Variants in WDR33 observed in about 807,000 individuals in gnomAD.
WDR33 encodes pre-mRNA 3' end processing protein WDR33.
WDR33 carries 47 observed loss-of-function variants against 164.9 expected under a neutral mutation model. The observed-to-expected ratio is 0.29, with a 90% confidence interval of 0.23 to 0.36. The LOEUF (loss-of-function observed/expected upper bound fraction) is 0.36, where lower values mean the gene tolerates loss of function less well. Ranked by LOEUF, WDR33 falls within the 10% of genes least tolerant of loss-of-function variation. The pLI is 1.00. For synonymous variants in WDR33, 505 were observed against 589.0 expected (o/e 0.86, Z 2.06); for missense variants, 1,137 against 1,754.1 (o/e 0.65, Z 6.28).
chr2:127,774,701 G>A (rs1688129476), intron 1 of WDR33, among the ~76,000 whole-genome samples: 1 of 152,226 alleles, frequency 6.6e-6, no homozygotes, highest in South Asian at 2.1e-4. Flanking sequence ...GTGGTGGCGG[G>A]CGCCTGTAGT....
Position 127,704,296 on chromosome 2 carries a change from T to G in WDR33, c.*2027A>C, listed in dbSNP as rs1372694482. ...CACTCTCAAAATGTGATCTGTCAAGTCCAGTAGAGCTTCAAGGTAAAATGA... is the reference window on the plus strand; with the variant it reads ...CACTCTCAAAATGTGATCTGTCAAGGCCAGTAGAGCTTCAAGGTAAAATGA... On this transcript the variant is annotated 3_prime_UTR_variant, in exon 22 of 22. Transcript: ENST00000322313. 1 of 166,874 alleles carries G rather than the reference T, an allele frequency of 6.0e-6. No individual in the cohort carries two copies. The highest frequency in any genetic ancestry group is 1.5e-5 in the Non-Finnish European group (1 of 68,068). The allele number at this position is 166,874 out of a possible 1,614,324, so 10.3% of individuals were successfully genotyped here.
Position 127,709,013 on chromosome 2 carries a change from C to T in WDR33, c.3566-121G>A. On this transcript the variant is annotated intron_variant, in intron 20 of 21. Coordinates refer to ENST00000322313, the MANE Select transcript of WDR33 (RefSeq NM_018383.5). This position sits in a 1 kb window ranked among gnomAD's most constrained non-coding sequence, Gnocchi z 5.0. The stretch of plus-strand genomic sequence containing the variant: ...CCGTTCACTCATGCTGAATGCCCGC[C>T]AGAGGCCAAAGGGTAAGCCACCCAG... The T allele has an allele frequency of 1.8e-6, 2 of 1,123,026 alleles. No individual in the cohort carries two copies. The highest frequency in any genetic ancestry group is 2.4e-6 in the Non-Finnish European group (2 of 833,310). 69.6% of individuals were successfully genotyped at this position (1,123,026 alleles called of 1,614,324 possible).
At position 127,764,447 on chromosome 2, in the gene WDR33, G is replaced by A. The variant is rs1687762655; in HGVS notation, c.626+381C>T. On this transcript the variant is annotated intron_variant, in intron 6 of 21. Coordinates refer to ENST00000322313, the MANE Select transcript of WDR33 (RefSeq NM_018383.5). The surrounding 1 kb of genome is among the most constrained non-coding windows in gnomAD (Gnocchi z 6.2). The stretch of plus-strand genomic sequence containing the variant: ...TGAATTCTGAAGTTGTTTTCTGTAG[G>A]CTTTAGATTTTATTCAGTTGCATAA... 6.9e-7 allele frequency: 1 copy of A among 1,452,830 alleles called. No homozygotes were observed. The highest frequency in any genetic ancestry group is 1.6e-5 in the South Asian group (1 of 63,724). 90.0% of individuals were successfully genotyped at this position (1,452,830 alleles called of 1,614,324 possible). A position where few individuals can be genotyped will look rare whatever the true frequency, so the allele number is the denominator to read the frequency against.
intron 1 of WDR33, among the ~76,000 whole-genome samples, chr2:127,800,240 A>G (rs1689187683): frequency 6.6e-6 from 1 of 152,230 alleles, no homozygotes; most frequent in Non-Finnish European, 1.5e-5. Flanking sequence ...ATAATCAAAA[A>G]GTGAAAACAA....
intron 1 of WDR33, chr2:127,799,073 T>G (rs1367816557): frequency 6.6e-6 from 1 of 152,176 alleles, no homozygotes; most frequent in African/African-American, 2.4e-5. Context: ...AAACTCATAT[T>G]CACATTTATA....
chr2:127,757,921 GCACA>G (rs1012062000), intron 7 of WDR33, among the ~76,000 whole-genome samples: 1 of 152,048 alleles, frequency 6.6e-6, no homozygotes, highest in Non-Finnish European at 1.5e-5. Context: ...TCATGAAGGG[GCACA>G]CAGAGACTTA....
rs904410078 is a variant in WDR33 at position 127,764,307 on chromosome 2, G to A, written c.626+521C>T. On this transcript the variant is annotated intron_variant, in intron 6 of 21. Coordinates refer to ENST00000322313, the MANE Select transcript of WDR33 (RefSeq NM_018383.5). The surrounding 1 kb of genome is among the most constrained non-coding windows in gnomAD (Gnocchi z 6.2). ...GCTTGAAGAACCCATTCATTACTCCGTTAATGTTTGCCACATCCAGTTATC... is the reference window on the plus strand; with the variant it reads ...GCTTGAAGAACCCATTCATTACTCCATTAATGTTTGCCACATCCAGTTATC... 34 of 1,324,282 alleles carry A rather than the reference G, an allele frequency of 2.6e-5. No homozygotes were observed. Among genetic ancestry groups the A allele is most frequent in the Admixed American group, 2.2e-4 (6 of 26,918 alleles). 82.0% of individuals were successfully genotyped at this position (1,324,282 alleles called of 1,614,324 possible). A position where few individuals can be genotyped will look rare whatever the true frequency, so the allele number is the denominator to read the frequency against.
chr2:127,747,849 G>A (rs1442828506), intron 7 of WDR33, among the ~76,000 whole-genome samples: 5 of 152,152 alleles, frequency 3.3e-5, no homozygotes. Flanking sequence ...TGACCTCTGA[G>A]AACTAATCTG....
At chr2:127,804,344 G>A (rs1689360698) in intron 1 of WDR33, among the ~76,000 whole-genome samples, 1 of 152,114 alleles carries the variant, frequency 6.6e-6, no homozygotes, top group African/African-American at 2.4e-5. Context: ...GAAATATCTA[G>A]ATTGGATACT....
chr2:127,730,650 C>CACAT (rs200840703), intron 7 of WDR33, among the ~76,000 whole-genome samples: 3,243 of 149,004 alleles, frequency 0.022, 125 homozygotes, highest in African/African-American at 0.078. Flanking sequence ...AAGCAAAACA[C>CACAT]ACAAACTATA....
chr2:127,750,703 T>TATATGTATACATAC (rs1687320500), intron 7 of WDR33, among the ~76,000 whole-genome samples: 2 of 56,678 alleles, frequency 3.5e-5, no homozygotes, highest in African/African-American at 2.4e-4. Context: ...TATATATATA[T>TATATGTATACATAC]ATATATATAT....
At chr2:127,801,023 T>G (rs1248653162) in intron 1 of WDR33, among the ~76,000 whole-genome samples, 2 of 151,438 alleles carry the variant, frequency 1.3e-5, no homozygotes, top group Non-Finnish European at 2.9e-5. Flanking sequence ...TCTCAGCACT[T>G]CAGGAAGCCG....
chr2:127,790,473 A>G (rs114399806), intron 1 of WDR33, among the ~76,000 whole-genome samples: 2,172 of 152,268 alleles, frequency 0.014, 64 homozygotes, highest in African/African-American at 0.05. Context: ...ATGCCTTCTA[A>G]TATTTCCTGG....
In WDR33 at chr2:127,725,058, G is replaced by A. The variant is rs1344438932; in HGVS notation, c.1006+3C>T. ...CAATGAGAAGCATATCACAGCCACT[G>A]ACCTGTGGCTTCTTTCTTATGACCT... On this transcript the variant is annotated splice_donor_region_variant and intron_variant, in intron 9 of 21. Transcript: ENST00000322313. 1.7e-5 allele frequency: 28 copies of A among 1,613,718 alleles called. No homozygotes were observed. The highest frequency in any genetic ancestry group is 2.4e-5 in the Non-Finnish European group (28 of 1,179,920).
Position 127,719,266 on chromosome 2 carries a change from T to C in WDR33, c.2759A>G (p.Gln920Arg). The change falls in exon 16 of 22, where the codon CAG (glutamine) becomes CGG (arginine). Residue 920 changes from glutamine (Q) to arginine (R), a missense_variant and splice_region_variant. This residue lies in a region of WDR33 where 867 missense variants were observed against 1,073.0 expected (regional missense o/e 0.81). Coordinates refer to ENST00000322313, the MANE Select transcript of WDR33 (RefSeq NM_018383.5). This position sits in a 1 kb window ranked among gnomAD's most constrained non-coding sequence, Gnocchi z 6.5. ...CCGTGAGTTGGAAATGAATAATACC[T>C]GGTTGAAGGGGGCCCGGGGCCCATC... ...LGDGPRAPFNQEGQSTGPPPL... is the reference protein window; with the variant it reads ...LGDGPRAPFNREGQSTGPPPL... The C allele has an allele frequency of 1.4e-6, 2 of 1,427,194 alleles. No individual in the cohort carries two copies. Among genetic ancestry groups the C allele is most frequent in the Non-Finnish European group, 1.8e-6 (2 of 1,089,954 alleles). The allele number at this position is 1,427,194 out of a possible 1,614,324, so 88.4% of individuals were successfully genotyped here. A position where few individuals can be genotyped will look rare whatever the true frequency, so the allele number is the denominator to read the frequency against.
At position 127,702,314 on chromosome 2, in the gene WDR33, C is replaced by G; in HGVS notation, c.*4009G>C. On this transcript the variant is annotated 3_prime_UTR_variant, in exon 22 of 22. Transcript: ENST00000322313. ...GCCCTAACAGCCTGCGAGTCTAATC[C>G]GGGAGCGGCTGCTGCCAGCGGAGGC... The G allele has an allele frequency of 1.1e-6, 1 of 933,444 alleles. No individual in the cohort carries two copies. 57.8% of individuals were successfully genotyped at this position (933,444 alleles called of 1,614,324 possible). A position where few individuals can be genotyped will look rare whatever the true frequency, so the allele number is the denominator to read the frequency against.
intron 7 of WDR33, among the ~76,000 whole-genome samples, chr2:127,733,188 T>A (rs1686752433): frequency 6.6e-6 from 1 of 152,092 alleles, no homozygotes; most frequent in Non-Finnish European, 1.5e-5. Context: ...CTTCTCAGAA[T>A]CAAGCCCCTG....
chr2:127,728,796 T>C (rs1686630602), intron 7 of WDR33, among the ~76,000 whole-genome samples: 1 of 152,168 alleles, frequency 6.6e-6, no homozygotes, highest in African/African-American at 2.4e-5. Context: ...AGAAAGCAGT[T>C]TCAAATTACA....
Position 127,735,908 on chromosome 2 carries a change from A to G in WDR33, c.725-9131T>C. 1.0e-6 allele frequency: 1 copy of G among 985,472 alleles called. No homozygotes were observed. The highest frequency in any genetic ancestry group is 1.2e-6 in the Non-Finnish European group (1 of 829,932). The allele number at this position is 985,472 out of a possible 1,614,324, so 61.0% of individuals were successfully genotyped here. A position where few individuals can be genotyped will look rare whatever the true frequency, so the allele number is the denominator to read the frequency against. The stretch of plus-strand genomic sequence containing the variant: ...TCTTTGTTGTCCAGTCTAGAAAGTT[A>G]CATCAGTGAAAAACTATAGAATTAA... On this transcript the variant is annotated intron_variant, in intron 7 of 21. Coordinates refer to ENST00000322313, the MANE Select transcript of WDR33 (RefSeq NM_018383.5). This position sits in a 1 kb window ranked among gnomAD's most constrained non-coding sequence, Gnocchi z 4.3.
Sources: gnomAD v4.1 joint callset for allele counts (sites outside exome capture counted in the v4.1 genomes callset) on GRCh38, gnomAD v4.1.1 for gene constraint, gnomAD v4.1.1 regional missense constraint, Gnocchi (gnomAD v3.1) non-coding constraint, MANE v1.5 for transcripts, NCBI Gene and HGNC (gene_info 2026-07-23, HGNC 2026-07-21) for gene names.